LRRFIP2: variants seen among roughly 807,000 people sequenced by gnomAD.
LRRFIP2 encodes the protein LRR binding FLII interacting protein 2, also known as leucine-rich repeat flightless-interacting protein 2.
Under a neutral mutation model 125.9 loss-of-function variants are expected in LRRFIP2, and 109 were observed. The observed-to-expected ratio is 0.87, with a 90% CI of 0.74 to 1.01. The LOEUF is 1.01. LRRFIP2 is among the 50% of genes least tolerant of loss of function. LRRFIP2 has a pLI of 0.00. For synonymous variants in LRRFIP2, 291 were observed against 293.1 expected, an observed-to-expected ratio of 0.99 and a Z score of 0.07; for missense variants, 850 against 862.3, an observed-to-expected ratio of 0.99 and a Z score of 0.18.
chr3:37,126,720 A>G (rs1191234229), intron 4 of LRRFIP2, among the ~76,000 whole-genome samples: 2 of 151,912 alleles, frequency 1.3e-5, no homozygotes, highest in Non-Finnish European at 2.9e-5. Context: ...TCAGCTGGGC[A>G]TGGTGGCGGG....
At chr3:37,101,845 G>A (rs1246251650) in intron 15 of LRRFIP2, among the ~76,000 whole-genome samples, 1 of 152,134 alleles carries the variant, frequency 6.6e-6, no homozygotes, top group Admixed American at 6.5e-5. Flanking sequence ...ATTTTGAGAT[G>A]AGCAGGTAGA....
chr3:37,134,045 G>C (rs1239873165), intron 2 of LRRFIP2, among the ~76,000 whole-genome samples: 1 of 152,084 alleles, frequency 6.6e-6, no homozygotes, highest in Non-Finnish European at 1.5e-5. Context: ...AGCCAGGCAT[G>C]GTAGCGCTTG....
At chr3:37,144,929 C>G (rs1008227227) in intron 2 of LRRFIP2, among the ~76,000 whole-genome samples, 7 of 152,120 alleles carry the variant, frequency 4.6e-5, no homozygotes, top group Non-Finnish European at 7.4e-5. Context: ...ATGACTAACT[C>G]AGGTAGCAAA....
At chr3:37,071,412 A>G (rs779046687) in intron 21 of LRRFIP2, among the ~76,000 whole-genome samples, 2 of 152,116 alleles carry the variant, frequency 1.3e-5, no homozygotes, top group Non-Finnish European at 2.9e-5. Flanking sequence ...GGGTCTCACT[A>G]TGTTGCCCAA....
At chr3:37,080,459 A>C (rs1333060754) in intron 19 of LRRFIP2, among the ~76,000 whole-genome samples, 1 of 152,044 alleles carries the variant, frequency 6.6e-6, no homozygotes, top group Non-Finnish European at 1.5e-5. Flanking sequence ...ATAAATTGGT[A>C]ATGATAAAAT....
chr3:37,103,059 A>G (rs1186132143), intron 14 of LRRFIP2, 46 bp from the exon 15 acceptor site: 1 of 1,442,134 alleles, frequency 6.9e-7, no homozygotes, highest in South Asian at 1.3e-5. Context: ...TTAAGAAAAA[A>G]GAAAGAAAAA....
chr3:37,104,633 G>A (rs1289853287), intron 14 of LRRFIP2, among the ~76,000 whole-genome samples: 1 of 152,108 alleles, frequency 6.6e-6, no homozygotes, highest in South Asian at 2.1e-4. Context: ...ATACCATCCG[G>A]AACAATGTAT....
At chr3:37,070,642 AG>A (rs1419501197) in intron 21 of LRRFIP2, among the ~76,000 whole-genome samples, 1 of 152,104 alleles carries the variant, frequency 6.6e-6, no homozygotes, top group Non-Finnish European at 1.5e-5. Flanking sequence ...AGGCTGAGGC[AG>A]GAGAATTGCT....
Position 37,109,689 on chromosome 3 carries a change from C to T in LRRFIP2, c.528G>A (p.Leu176=), listed in dbSNP as rs760710599. 6 of 1,613,826 alleles carry T rather than the reference C, an allele frequency of 3.7e-6. No individual in the cohort carries two copies. Among genetic ancestry groups the T allele is most frequent in the Non-Finnish European group, 5.1e-6 (6 of 1,179,912 alleles). The change falls in exon 10 of 28, where the codon CTG becomes CTA. Residue 176 remains leucine, a synonymous_variant. Coordinates refer to ENST00000336686, the MANE Select transcript of LRRFIP2 (RefSeq NM_006309.4). The stretch of plus-strand genomic sequence containing the variant: ...TATATGTTGCCAGAGGGTCACTGTA[C>T]AGGGAAGAAGACTGCTAAGAGACAA... ...SAYYTRQSSS[L]YSDPLATYKS... is the part of the protein sequence containing the mutation.
chr3:37,072,938 A>C, intron 20 of LRRFIP2, 56 bp from the exon 21 acceptor site: 1 of 1,142,358 alleles, frequency 8.8e-7, no homozygotes, highest in Non-Finnish European at 1.3e-6. Context: ...AAGGGAGAGG[A>C]GGTTTGAGGG....
At chr3:37,123,916 C>T (rs1455352389) in intron 4 of LRRFIP2, among the ~76,000 whole-genome samples, 1 of 152,004 alleles carries the variant, frequency 6.6e-6, no homozygotes, top group Non-Finnish European at 1.5e-5. Context: ...ATTAAAATAC[C>T]TTATTAAGTA....
At chr3:37,096,379 G>A (rs1429635355) in intron 16 of LRRFIP2, among the ~76,000 whole-genome samples, 1 of 152,130 alleles carries the variant, frequency 6.6e-6, no homozygotes, top group East Asian at 1.9e-4. Flanking sequence ...AAAATCAAAA[G>A]AGCAGCCAAA....
intron 1 of LRRFIP2, among the ~76,000 whole-genome samples, chr3:37,159,836 A>T (rs1040944738): frequency 6.6e-6 from 1 of 151,120 alleles, no homozygotes; most frequent in African/African-American, 2.4e-5. Flanking sequence ...AAGAAAAAAA[A>T]AAAAAAGGAA....
At chr3:37,135,142 G>A (rs2095525083) in intron 2 of LRRFIP2, 5 of 1,187,310 alleles carry the variant, frequency 4.2e-6, no homozygotes, top group East Asian at 2.4e-5. Flanking sequence ...CATTATAGCT[G>A]GAATAAACTT....
chr3:37,121,966 C>T (rs1295324029), intron 4 of LRRFIP2, among the ~76,000 whole-genome samples: 2 of 150,608 alleles, frequency 1.3e-5, no homozygotes, highest in African/African-American at 2.4e-5. Context: ...ATGTGCACAA[C>T]GTGCAGGTTT....
chr3:37,083,824 C>A lies in LRRFIP2; in HGVS notation c.1108-18G>T, dbSNP rs754965507. On this transcript the variant is annotated intron_variant, in intron 18 of 27. Coordinates refer to ENST00000336686, the MANE Select transcript of LRRFIP2 (RefSeq NM_006309.4). Reference sequence around the variant, plus strand: ...AAAGATTCCTAAATGAGAGTTAAGTCATCAGTCTGATATCTAAAATGTTAA... The same window carrying A: ...AAAGATTCCTAAATGAGAGTTAAGTAATCAGTCTGATATCTAAAATGTTAA... 3.2e-6 allele frequency: 5 copies of A among 1,568,238 alleles called. No homozygotes were observed. Among genetic ancestry groups the A allele is most frequent in the South Asian group, 2.4e-5 (2 of 82,814 alleles).
chr3:37,165,184 G>A (rs542526587), intron 1 of LRRFIP2, among the ~76,000 whole-genome samples: 26 of 150,482 alleles, frequency 1.7e-4, no homozygotes, highest in South Asian at 1.1e-3. Context: ...CCAGTGAGCC[G>A]AGACTGCACC....
chr3:37,174,184 T>A (rs1341109464), intron 1 of LRRFIP2: 1 of 152,236 alleles, frequency 6.6e-6, no homozygotes, highest in East Asian at 1.9e-4. Flanking sequence ...CATTATTTTT[T>A]AACTAAAGTT....
chr3:37,159,302 A>C (rs1042415442), intron 1 of LRRFIP2, among the ~76,000 whole-genome samples: 26 of 152,200 alleles, frequency 1.7e-4, no homozygotes, highest in Non-Finnish European at 1.5e-4. Flanking sequence ...CCATAAAAGT[A>C]AGGGTTTACT....
Sources: gnomAD v4.1 joint callset for allele counts (sites outside exome capture counted in the v4.1 genomes callset) on GRCh38, gnomAD v4.1.1 for gene constraint, MANE v1.5 for transcripts, NCBI Gene and HGNC (gene_info 2026-07-23, HGNC 2026-07-21) for gene names.